Variants in RYR3 observed in about 807,000 individuals in gnomAD.
RYR3 encodes ryanodine receptor 3.
Under a neutral mutation model 584.3 loss-of-function variants are expected in RYR3, and 207 were observed. That is an observed-to-expected ratio of 0.35 (90% confidence interval 0.32 to 0.40). The LOEUF (loss-of-function observed/expected upper bound fraction) is 0.40, where lower values mean the gene tolerates loss of function less well. Ranked by LOEUF, RYR3 falls within the 10% of genes least tolerant of loss-of-function variation. The pLI is 1.00. For missense variants in RYR3, 5,616 were observed against 6,089.2 expected (o/e 0.92, Z 2.59); for synonymous variants, 2,416 against 2,248.5 (o/e 1.07, Z -2.11).
intron 11 of RYR3, among the ~76,000 whole-genome samples, chr15:33,565,288 A>C (rs181787351): frequency 1.3e-5 from 2 of 152,326 alleles, no homozygotes; most frequent in East Asian, 3.9e-4. Flanking sequence ...GTATTGCTAA[A>C]CCCAAATGCA....
chr15:33,624,094 T>C, intron 20 of RYR3, 71 bp downstream of exon 20: 1 of 1,079,510 alleles, frequency 9.3e-7, no homozygotes, highest in Non-Finnish European at 1.4e-6. Flanking sequence ...TCTTTCTTTC[T>C]TGTTTTTGAA....
intron 43 of RYR3, among the ~76,000 whole-genome samples, chr15:33,717,644 C>T (rs1248178532): frequency 6.6e-6 from 1 of 152,196 alleles, no homozygotes; most frequent in African/African-American, 2.4e-5. Context: ...GCATCTGCTA[C>T]ATAATAACTT....
chr15:33,432,251 C>T (rs562711645), intron 1 of RYR3, among the ~76,000 whole-genome samples: 2 of 152,172 alleles, frequency 1.3e-5, no homozygotes, highest in South Asian at 4.2e-4. Context: ...ATGACTACTA[C>T]AGGAGGGAAA....
At chr15:33,540,770 T>A (rs746298751) in intron 6 of RYR3, 21 bp from the exon 7 acceptor site, 7 of 1,500,762 alleles carry the variant, frequency 4.7e-6, no homozygotes, top group Non-Finnish European at 6.5e-6. Context: ...AAAAGATGTC[T>A]CATTTCTGTT....
chr15:33,653,291 T>C (rs2152690129), intron 32 of RYR3, among the ~76,000 whole-genome samples: 1 of 152,290 alleles, frequency 6.6e-6, no homozygotes, highest in East Asian at 1.9e-4. Flanking sequence ...AATAGAAACC[T>C]ATAAAAAGGA....
chr15:33,491,708 G>T (rs2050975871), intron 2 of RYR3, among the ~76,000 whole-genome samples: 1 of 152,224 alleles, frequency 6.6e-6, no homozygotes, highest in South Asian at 2.1e-4. Flanking sequence ...GCGGAGGAAG[G>T]GAGCTCAAGA....
intron 90 of RYR3, 58 bp from the exon 91 acceptor site, chr15:33,841,806 T>C: frequency 6.6e-7 from 1 of 1,521,276 alleles, no homozygotes; most frequent in Non-Finnish European, 8.8e-7. Context: ...CTAGTCTCCC[T>C]TTTTGGGCCA....
chr15:33,496,748 C>T (rs1039830977), intron 2 of RYR3, among the ~76,000 whole-genome samples: 8 of 152,076 alleles, frequency 5.3e-5, no homozygotes, highest in African/African-American at 9.7e-5. Context: ...ATGAATAAAT[C>T]GTCTTCACCC....
intron 1 of RYR3, among the ~76,000 whole-genome samples, chr15:33,423,575 T>C (rs2044389110): frequency 6.6e-6 from 1 of 152,232 alleles, no homozygotes; most frequent in Admixed American, 6.5e-5. Flanking sequence ...TGTTTTCCAC[T>C]GTTTACCATT....
intron 8 of RYR3, among the ~76,000 whole-genome samples, chr15:33,544,697 G>GT (rs1287119569): frequency 6.6e-6 from 1 of 152,122 alleles, no homozygotes; most frequent in Admixed American, 6.6e-5. Context: ...CATTGGCAAT[G>GT]TGTATCCCTT....
intron 82 of RYR3, chr15:33,825,935 T>C (rs1159721826): frequency 2.0e-6 from 1 of 496,028 alleles, no homozygotes; most frequent in Non-Finnish European, 3.6e-6. Context: ...CATTTCATCA[T>C]GTTGGCCAGG....
chr15:33,805,469 CTTT>C (rs61113827), intron 69 of RYR3, among the ~76,000 whole-genome samples: 16,877 of 138,262 alleles, frequency 0.12, 1,187 homozygotes, highest in East Asian at 0.3. Flanking sequence ...TTTTCTCTCT[CTTT>C]TTTTTTTTTT....
intron 65 of RYR3, among the ~76,000 whole-genome samples, chr15:33,784,386 A>G (rs928067972): frequency 3.9e-5 from 6 of 152,256 alleles, no homozygotes; most frequent in Admixed American, 3.9e-4. Context: ...TGGTAATCCC[A>G]ATGGCAAAGG....
chr15:33,768,102 G>C (rs2073251090), intron 60 of RYR3, among the ~76,000 whole-genome samples: 1 of 152,186 alleles, frequency 6.6e-6, no homozygotes, highest in African/African-American at 2.4e-5. Flanking sequence ...GTCAGGCCTG[G>C]AGACTAACTG....
rs79987860 is a variant in RYR3, at chr15:33,641,339, T to C, written c.3557-2972T>C. 1.9e-3 allele frequency among the ~76,000 whole-genome samples: 293 copies of C among 152,312 alleles called. 9 individuals are homozygous for C. In the East Asian group the frequency reaches 0.048, roughly 25 times the overall value. On this transcript the variant is annotated intron_variant, in intron 27 of 103. Coordinates refer to ENST00000634891, the MANE Select transcript of RYR3 (RefSeq NM_001036.6). Reference sequence around the variant, plus strand: ...GGTCTCAGTTTCCTCATCTGTAAAATTGGCATAATAATGAGATGTATCTGT... The same window carrying C: ...GGTCTCAGTTTCCTCATCTGTAAAACTGGCATAATAATGAGATGTATCTGT...
chr15:33,646,657 A>G (rs970176249), intron 29 of RYR3, 131 bp downstream of exon 29: 4 of 811,950 alleles, frequency 4.9e-6, no homozygotes, highest in Non-Finnish European at 7.6e-6. Context: ...CAGGTAAAAA[A>G]GAAAATGAGA....
chr15:33,362,161 C>T (rs1282996190), intron 1 of RYR3, among the ~76,000 whole-genome samples: 1 of 152,184 alleles, frequency 6.6e-6, no homozygotes, highest in Non-Finnish European at 1.5e-5. Context: ...ACTTTTTGTG[C>T]TGAATGCTCT....
At chr15:33,371,764 A>G (rs1456150567) in intron 1 of RYR3, among the ~76,000 whole-genome samples, 1 of 152,066 alleles carries the variant, frequency 6.6e-6, no homozygotes, top group African/African-American at 2.4e-5. Context: ...AGATTCAGCA[A>G]CTCCTGATGT....
intron 60 of RYR3, among the ~76,000 whole-genome samples, chr15:33,764,432 T>TG (rs1161766658): frequency 2.0e-5 from 3 of 151,054 alleles, no homozygotes; most frequent in East Asian, 3.9e-4. Context: ...TGTCAGGAGG[T>TG]GGGGGCCAAG....
Sources: gnomAD v4.1 joint callset for allele counts (sites outside exome capture counted in the v4.1 genomes callset) on GRCh38, gnomAD v4.1.1 for gene constraint, MANE v1.5 for transcripts, NCBI Gene and HGNC (gene_info 2026-07-23, HGNC 2026-07-21) for gene names.